The following SMPD4 variants were observed in gnomAD, a reference collection of about 807,000 sequenced individuals.
SMPD4 encodes neutral sphingomyelinase 3.
A neutral mutation model predicts 97.8 loss-of-function variants in SMPD4; 58 were observed. The observed-to-expected ratio is 0.59, with a 90% CI of 0.48 to 0.74. The LOEUF (loss-of-function observed/expected upper bound fraction) is 0.74, where lower values mean the gene tolerates loss of function less well. Among genes scored for constraint, SMPD4 ranks in the 30% least tolerant of loss-of-function variants. The pLI, the probability that SMPD4 is intolerant of heterozygous loss-of-function variation, is 0.00. For missense variants in SMPD4, 853 were observed against 1,080.5 expected (o/e 0.79, Z 2.95); for synonymous variants, 388 against 450.0 (o/e 0.86, Z 1.74).
intron 11 of SMPD4, among the ~76,000 whole-genome samples, chr2:130,159,305 A>C (rs1322696562): frequency 6.6e-6 from 1 of 151,940 alleles, no homozygotes; most frequent in Non-Finnish European, 1.5e-5. Context: ...ATTTTTCTCT[A>C]TCTGTATTGT....
intron 8 of SMPD4, among the ~76,000 whole-genome samples, chr2:130,170,986 A>G (rs1248548491): frequency 2.0e-5 from 3 of 152,082 alleles, no homozygotes; most frequent in South Asian, 4.1e-4. Context: ...ACTTGAACCC[A>G]GGAGATGGAG....
intron 9 of SMPD4, 134 bp from the exon 10 acceptor site, chr2:130,164,579 CTTCCTTCACACCATCACCAAAAA>C (rs780378488): frequency 2.3e-4 from 157 of 690,696 alleles, no homozygotes; most frequent in Non-Finnish European, 3.5e-4. Flanking sequence ...AAGCTGGGCC[CTTCCTTCACACCATCACCAAAAA>C]ATAACTCAAA....
At chr2:130,162,394 C>T (rs902392336) in intron 10 of SMPD4, among the ~76,000 whole-genome samples, 3 of 152,256 alleles carry the variant, frequency 2.0e-5, no homozygotes, top group Non-Finnish European at 4.4e-5. Context: ...TCAGAACACA[C>T]GCCAGTCGCC....
chr2:130,157,668 A>G, intron 11 of SMPD4: 1 of 580,116 alleles, frequency 1.7e-6, no homozygotes. Context: ...TCACTAAGAC[A>G]GACACATCTG....
At chr2:130,153,514 C>A in intron 17 of SMPD4, 64 bp from the exon 18 acceptor site, 3 of 1,600,008 alleles carry the variant, frequency 1.9e-6, no homozygotes, top group Non-Finnish European at 2.6e-6. Flanking sequence ...GTCTTCACCC[C>A]ACCAGCCTAC....
chr2:130,164,911 A>G (rs1489748049), intron 9 of SMPD4, among the ~76,000 whole-genome samples: 1 of 151,918 alleles, frequency 6.6e-6, no homozygotes, highest in Non-Finnish European at 1.5e-5. Context: ...GTTCCAGACC[A>G]GCCTGGCCAA....
Position 130,153,026 on chromosome 2 carries a change from C to G in SMPD4, c.2154+17G>C, listed in dbSNP as rs774645435. Reference sequence around the variant, plus strand: ...ACCCTCTCTGAAGACGCCAGGCCAGCCCTCCTGCCCACTCACTCTGTGGTT... The same window carrying G: ...ACCCTCTCTGAAGACGCCAGGCCAGGCCTCCTGCCCACTCACTCTGTGGTT... On this transcript the variant is annotated intron_variant, in intron 19 of 19. Coordinates refer to ENST00000680298, the MANE Select transcript of SMPD4 (RefSeq NM_017951.5). 6.2e-7 allele frequency: 1 copy of G among 1,604,824 alleles called. No homozygotes were observed. The highest frequency in any genetic ancestry group is 8.5e-7 in the Non-Finnish European group (1 of 1,176,430).
chr2:130,173,260 G>A lies in SMPD4; in HGVS notation c.345+19C>T, dbSNP rs574699482. ...GCCCACTGCCCCGAGCACCACTCTC[G>A]CCACTGTGGTTTACTTACAGGCAAG... On this transcript the variant is annotated intron_variant, in intron 5 of 19. Coordinates refer to ENST00000680298, the MANE Select transcript of SMPD4 (RefSeq NM_017951.5). The A allele has an allele frequency of 3.9e-5, 63 of 1,612,450 alleles. No individual in the cohort carries two copies. Among genetic ancestry groups the A allele is most frequent in the Admixed American group, 1.3e-4 (8 of 59,906 alleles).
At position 130,155,143 on chromosome 2, in the gene SMPD4, A is replaced by G; in HGVS notation, c.1406T>C (p.Val469Ala). The G allele has an allele frequency of 3.1e-6, 5 of 1,614,160 alleles. No homozygotes were observed. In the South Asian group the frequency reaches 4.4e-5, roughly 14 times the overall value. Residue 469 changes from valine to alanine, a missense_variant, in exon 15 of 20, where the codon GTG becomes GCG. Transcript: ENST00000680298. ...GTTGGGCTGGGCAAAGACTTTGGCC[A>G]CTCGGAACACCATGAGCGCGTGCTT... Reference protein sequence around the residue: ...SPKHALMVFRVAKVFAQPNLA... With the variant: ...SPKHALMVFRAAKVFAQPNLA...
intron 5 of SMPD4, 134 bp downstream of exon 5, chr2:130,173,145 C>G (rs1688638353): frequency 2.9e-6 from 3 of 1,045,278 alleles, no homozygotes; most frequent in South Asian, 2.7e-5. Context: ...TACCCATTTC[C>G]TTTGCCTCTC....
intron 8 of SMPD4, 27 bp from the exon 9 acceptor site, chr2:130,167,617 A>T (rs1688057500): frequency 3.2e-6 from 5 of 1,572,786 alleles, no homozygotes; most frequent in African/African-American, 1.4e-5. Context: ...AACAGGCCCG[A>T]GTTACAGGCT....
At chr2:130,176,357 G>GC (rs1194384203) in intron 2 of SMPD4, among the ~76,000 whole-genome samples, 197 bp downstream of exon 2, 1 of 152,198 alleles carries the variant, frequency 6.6e-6, no homozygotes, top group Non-Finnish European at 1.5e-5. Flanking sequence ...AAAACCCAGA[G>GC]CCCAGAAGTT....
chr2:130,156,103 C>G lies in SMPD4; in HGVS notation c.1221G>C (p.Pro407=), dbSNP rs369281316. The change falls in exon 14 of 20, where the codon CCG becomes CCC. Residue 407 remains proline, a synonymous_variant. Transcript: ENST00000680298. ...VLEMWLSYLQ[P]WRYAPDKQAP... is the part of the protein sequence containing the mutation. ...CCTGCTTGTCAGGCGCGTACCGCCA[C>G]GGCTGCAGGTAGCTCAGCCACATCT... The G allele has an allele frequency of 1.2e-6, 2 of 1,611,226 alleles. No homozygotes were observed. The highest frequency in any genetic ancestry group is 1.7e-6 in the Non-Finnish European group (2 of 1,179,770).
chr2:130,176,718 T>C (rs1208116330), intron 1 of SMPD4, 81 bp from the exon 2 acceptor site: 11 of 1,190,780 alleles, frequency 9.2e-6, no homozygotes, highest in Admixed American at 2.2e-5. Flanking sequence ...GACAGGGTCT[T>C]GTTCTGTTGC....
intron 1 of SMPD4, among the ~76,000 whole-genome samples, chr2:130,181,143 C>G (rs1016725834): frequency 6.6e-6 from 1 of 152,184 alleles, no homozygotes; most frequent in Admixed American, 6.5e-5. Context: ...AACCAAGGCT[C>G]GGAGATGTGG....
chr2:130,173,217 A>G, intron 5 of SMPD4, 62 bp downstream of exon 5: 4 of 1,469,364 alleles, frequency 2.7e-6, no homozygotes, highest in Non-Finnish European at 3.8e-6. Context: ...ATTGCCCATC[A>G]CCACAGGGCT....
chr2:130,172,430 G>T lies in SMPD4; in HGVS notation c.578C>A (p.Ser193Ter), dbSNP rs1202406719. 8 of 1,612,372 alleles carry T rather than the reference G, an allele frequency of 5.0e-6. No homozygotes were observed. The highest frequency in any genetic ancestry group is 6.8e-6 in the Non-Finnish European group (8 of 1,179,202). The change falls in exon 8 of 20, where the codon TCA (serine) becomes TAA (stop). Residue 193 changes from serine to a stop codon, truncating the protein, a stop_gained. Coordinates refer to ENST00000680298, the MANE Select transcript of SMPD4 (RefSeq NM_017951.5). LOFTEE classifies it high-confidence loss of function. ...AYFILVDRYL[S>*]WFLPTEGSVP... ...ACTGCCTTCGGTGGGCAGGAACCAT[G>T]ACAGGTACCTGTCCACCAGGATGAA...
chr2:130,181,412 A>C, intron 1 of SMPD4, 118 bp downstream of exon 1: 4 of 1,492,112 alleles, frequency 2.7e-6, no homozygotes, highest in Non-Finnish European at 2.7e-6. Context: ...GCCTGGGCAG[A>C]GCCGGCTGGC....
chr2:130,154,797 A>G, intron 15 of SMPD4: 1 of 592,010 alleles, frequency 1.7e-6, no homozygotes. Flanking sequence ...GAAGCGGCCA[A>G]CACGAGTTGC....
Sources: gnomAD v4.1 joint callset for allele counts (sites outside exome capture counted in the v4.1 genomes callset) on GRCh38, gnomAD v4.1.1 for gene constraint, MANE v1.5 for transcripts, NCBI Gene and HGNC (gene_info 2026-07-23, HGNC 2026-07-21) for gene names.